The following PLCZ1 variants were observed in gnomAD, a reference collection of about 807,000 sequenced individuals.
PLCZ1 encodes the protein phospholipase C zeta 1, also known as 1-phosphatidylinositol 4,5-bisphosphate phosphodiesterase zeta-1.
In PLCZ1, 64 loss-of-function variants were observed where a neutral mutation model predicts 76.8. That is an observed-to-expected ratio of 0.83 (90% CI 0.68 to 1.03). The LOEUF is 1.03. PLCZ1 is among the 50% of genes least tolerant of loss of function. The probability of loss-of-function intolerance (pLI) is 0.00; values close to 1 mark genes in which losing one functional copy is unlikely to be tolerated. For synonymous variants in PLCZ1, 248 were observed against 230.8 expected (o/e 1.07, Z -0.68); for missense variants, 751 against 713.7 (o/e 1.05, Z -0.60).
At chr12:18,691,499 T>C (rs1178123851) in intron 12 of PLCZ1, among the ~76,000 whole-genome samples, 1 of 152,096 alleles carries the variant, frequency 6.6e-6, no homozygotes, top group Non-Finnish European at 1.5e-5. Flanking sequence ...AGACTTTAGT[T>C]AACATAAATA....
chr12:18,737,322 AAAG>A lies in PLCZ1; in HGVS notation c.11+36_11+38del, dbSNP rs774816298. ...ATCAAGTAAAGAGGATAAGTAGGAG[AAAG>A]AAGAAGAGGAGCAGAAAGAAGCTCT... On this transcript the variant is annotated intron_variant, in intron 2 of 14. Coordinates refer to ENST00000266505, the MANE Select transcript of PLCZ1 (RefSeq NM_033123.4). 1.6e-5 allele frequency: 26 copies of A among 1,595,782 alleles called. No homozygotes were observed. The African/African-American group carries it at 3.0e-4, about 18-fold the overall frequency.
the PLCZ1 span, among the ~76,000 whole-genome samples, chr12:18,658,455 A>G: frequency 6.6e-6 from 1 of 152,172 alleles, no homozygotes; most frequent in East Asian, 1.9e-4. Context: ...GCAAGTCATT[A>G]TGCACAAGAA....
At chr12:18,676,159 G>C in the PLCZ1 span, among the ~76,000 whole-genome samples, 1 of 152,028 alleles carries the variant, frequency 6.6e-6, no homozygotes, top group African/African-American at 2.4e-5. Context: ...CTAGAAAATG[G>C]ACCCAAAACT....
chr12:18,673,501 A>G, the PLCZ1 span, among the ~76,000 whole-genome samples: 1 of 152,316 alleles, frequency 6.6e-6, no homozygotes, highest in South Asian at 2.1e-4. Context: ...GAACAAACGA[A>G]CAAGGCTAGA....
chr12:18,716,953 T>C (rs1233270899), intron 5 of PLCZ1, among the ~76,000 whole-genome samples: 1 of 152,164 alleles, frequency 6.6e-6, no homozygotes, highest in African/African-American at 2.4e-5. Context: ...ACAATGGTTA[T>C]ATCTGTCACA....
At chr12:18,677,179 A>T in the PLCZ1 span, among the ~76,000 whole-genome samples, 1 of 152,098 alleles carries the variant, frequency 6.6e-6, no homozygotes, top group Non-Finnish European at 1.5e-5. Flanking sequence ...CCAACAGCAG[A>T]TCCTGGTCAG....
At chr12:18,668,873 T>A in the PLCZ1 span, among the ~76,000 whole-genome samples, 1 of 152,140 alleles carries the variant, frequency 6.6e-6, no homozygotes, top group Admixed American at 6.6e-5. Context: ...ACAAAAATTC[T>A]GATGGATCTT....
intron 3 of PLCZ1, among the ~76,000 whole-genome samples, chr12:18,728,410 C>T (rs1328785360): frequency 2.6e-5 from 4 of 152,126 alleles, no homozygotes; most frequent in Non-Finnish European, 5.9e-5. Flanking sequence ...ATTTACATGT[C>T]TTCAACGTTC....
intron 13 of PLCZ1, among the ~76,000 whole-genome samples, chr12:18,686,625 C>T (rs1953195379): frequency 6.6e-6 from 1 of 152,026 alleles, no homozygotes; most frequent in Non-Finnish European, 1.5e-5. Flanking sequence ...TACTCATTCT[C>T]CAAGAACCAT....
downstream of PLCZ1, among the ~76,000 whole-genome samples, chr12:18,678,236 A>T (rs1952127185): frequency 6.6e-6 from 1 of 152,070 alleles, no homozygotes; most frequent in South Asian, 2.1e-4. Flanking sequence ...ACACATTGTC[A>T]CATCTGAGCC....
At position 18,688,131 on chromosome 12, in the gene PLCZ1, T is replaced by A. The variant is rs762517624; in HGVS notation, c.1549A>T (p.Asn517Tyr). Reference sequence around the variant, plus strand: ...CGAGTCTGCTGCTTCATTTGATCATTTGGAACACCAAAAACTTCTATAATT... The same window carrying A: ...CGAGTCTGCTGCTTCATTTGATCATATGGAACACCAAAAACTTCTATAATT... Reference protein sequence around the residue: ...LVIIEVFGVPNDQMKQQTRVI... With the variant: ...LVIIEVFGVPYDQMKQQTRVI... Residue 517 changes from asparagine to tyrosine, a missense_variant, in exon 13 of 15, where the codon AAT becomes TAT. Coordinates refer to ENST00000266505, the MANE Select transcript of PLCZ1 (RefSeq NM_033123.4). The A allele has an allele frequency of 6.2e-7, 1 of 1,611,782 alleles. No individual in the cohort carries two copies.
intron 11 of PLCZ1, among the ~76,000 whole-genome samples, chr12:18,695,342 G>C (rs947141251): frequency 6.6e-6 from 1 of 152,150 alleles, no homozygotes; most frequent in Non-Finnish European, 1.5e-5. Context: ...ATCCAGTACA[G>C]ATTACAGAAT....
At chr12:18,694,711 A>C (rs906987976) in intron 12 of PLCZ1, among the ~76,000 whole-genome samples, 199 bp downstream of exon 12, 4 of 152,194 alleles carry the variant, frequency 2.6e-5, no homozygotes, top group Non-Finnish European at 4.4e-5. Context: ...CAGGCAGATA[A>C]TCATTCATGT....
chr12:18,671,734 T>C, the PLCZ1 span, among the ~76,000 whole-genome samples: 965 of 152,224 alleles, frequency 6.3e-3, 3 homozygotes, highest in Non-Finnish European at 0.011. Context: ...TGAATTTTTT[T>C]CCAAAATGCA....
intron 7 of PLCZ1, among the ~76,000 whole-genome samples, chr12:18,704,514 C>T (rs1254662460): frequency 3.3e-5 from 5 of 151,874 alleles, no homozygotes; most frequent in African/African-American, 4.8e-5. Flanking sequence ...TTAGTAGAGA[C>T]GGGGTTTCAC....
chr12:18,711,411 C>T (rs1321116202), intron 6 of PLCZ1, among the ~76,000 whole-genome samples: 2 of 146,296 alleles, frequency 1.4e-5, no homozygotes, highest in African/African-American at 2.5e-5. Flanking sequence ...GGAGGGATAG[C>T]ATTAGGAGAT....
chr12:18,725,081 A>T (rs1958674378), intron 3 of PLCZ1, among the ~76,000 whole-genome samples: 1 of 152,162 alleles, frequency 6.6e-6, no homozygotes. Context: ...AAGAATCACT[A>T]TAGTTGATCA....
At chr12:18,657,053 T>G in the PLCZ1 span, among the ~76,000 whole-genome samples, 1 of 152,142 alleles carries the variant, frequency 6.6e-6, no homozygotes, top group African/African-American at 2.4e-5. Flanking sequence ...TGTTTTGACT[T>G]GGCTAGTGAT....
chr12:18,677,651 A>G, the PLCZ1 span, among the ~76,000 whole-genome samples: 5 of 152,126 alleles, frequency 3.3e-5, no homozygotes, highest in Admixed American at 1.3e-4. Flanking sequence ...AGAACGCCAC[A>G]CCAATTTCAT....
Sources: allele counts gnomAD v4.1 joint callset (sites outside exome capture counted in the v4.1 genomes callset), GRCh38; gene constraint gnomAD v4.1.1; transcripts MANE v1.5; gene names NCBI Gene and HGNC (gene_info 2026-07-23, HGNC 2026-07-21).